The following ARHGAP26 variants were observed in gnomAD, a reference collection of about 807,000 sequenced individuals.
The protein encoded by ARHGAP26 is rho GTPase-activating protein 26.
A neutral mutation model predicts 104.8 loss-of-function variants in ARHGAP26; 38 were observed. That is an observed-to-expected ratio of 0.36 (90% confidence interval 0.28 to 0.48). The LOEUF is 0.48. Among genes scored for constraint, ARHGAP26 ranks in the 20% least tolerant of loss-of-function variants. The pLI is 0.99. For synonymous variants in ARHGAP26, 341 were observed against 340.0 expected, an observed-to-expected ratio of 1.00 and a Z score of -0.03; for missense variants, 704 against 947.9, an observed-to-expected ratio of 0.74 and a Z score of 3.38.
intron 21 of ARHGAP26, among the ~76,000 whole-genome samples, chr5:143,209,395 G>A (rs1367878557): frequency 6.6e-6 from 1 of 152,100 alleles, no homozygotes; most frequent in African/African-American, 2.4e-5. Flanking sequence ...GCCATCTTGT[G>A]TGTCTGGGGT....
At chr5:142,878,341 G>A (rs888316193) in intron 3 of ARHGAP26, among the ~76,000 whole-genome samples, 3 of 152,202 alleles carry the variant, frequency 2.0e-5, no homozygotes, top group South Asian at 2.1e-4. Flanking sequence ...TGCAGATGAC[G>A]AAATTAGAGC....
intron 12 of ARHGAP26, among the ~76,000 whole-genome samples, chr5:143,033,682 G>A (rs917949983): frequency 2.6e-5 from 4 of 152,144 alleles, no homozygotes; most frequent in Admixed American, 2.6e-4. Context: ...TCAATGCCTA[G>A]AATAAGACCA....
intron 1 of ARHGAP26, chr5:142,772,655 C>A (rs1429365156): frequency 8.4e-6 from 4 of 475,260 alleles, no homozygotes; most frequent in African/African-American, 4.0e-5. Context: ...CTGGGGGAAG[C>A]ATTACCTCTG....
At chr5:142,867,671 T>G (rs956829681) in intron 1 of ARHGAP26, among the ~76,000 whole-genome samples, 45 of 152,284 alleles carry the variant, frequency 3.0e-4, no homozygotes, top group African/African-American at 1.1e-3. Context: ...TTCTCCAGCT[T>G]CCTTGGTATA....
chr5:142,793,902 A>T (rs1266851275), intron 1 of ARHGAP26, among the ~76,000 whole-genome samples: 1 of 152,150 alleles, frequency 6.6e-6, no homozygotes, highest in Non-Finnish European at 1.5e-5. Context: ...GGTTTTAATA[A>T]GTTACATTTG....
intron 1 of ARHGAP26, among the ~76,000 whole-genome samples, chr5:142,852,810 A>G (rs931496188): frequency 1.3e-5 from 2 of 152,348 alleles, no homozygotes; most frequent in African/African-American, 4.8e-5. Flanking sequence ...TAAAAGACCA[A>G]CAAAACAGAG....
intron 1 of ARHGAP26, among the ~76,000 whole-genome samples, chr5:142,781,329 C>T (rs542864403): frequency 6.6e-6 from 1 of 151,742 alleles, no homozygotes; most frequent in Admixed American, 6.5e-5. Flanking sequence ...AGCTTTTGAA[C>T]CTGCATTCAG....
intron 17 of ARHGAP26, among the ~76,000 whole-genome samples, chr5:143,079,846 A>G (rs1432344495): frequency 6.6e-6 from 1 of 152,162 alleles, no homozygotes; most frequent in Non-Finnish European, 1.5e-5. Context: ...GGGAGAATCT[A>G]GAGATAGATG....
At chr5:142,875,208 A>C (rs751119809) in intron 3 of ARHGAP26, 37 bp downstream of exon 3, 1 of 1,600,406 alleles carries the variant, frequency 6.2e-7, no homozygotes, top group Non-Finnish European at 8.6e-7. Context: ...CCCAGATAGT[A>C]TATTCGTGTT....
intron 11 of ARHGAP26, among the ~76,000 whole-genome samples, chr5:142,997,107 A>T (rs925324718): frequency 1.3e-5 from 2 of 149,086 alleles, no homozygotes; most frequent in African/African-American, 4.9e-5. Flanking sequence ...AAAACTTTAT[A>T]TATATGCATT....
At position 142,778,279 on chromosome 5, in the gene ARHGAP26, A is replaced by G. The variant is rs564644139; in HGVS notation, c.154+7364A>G. Among the ~76,000 whole-genome samples the G allele has an allele frequency of 3.3e-5, 5 of 152,332 alleles. No homozygotes were observed. In the South Asian group the frequency reaches 1.0e-3, roughly 32 times the overall value. On this transcript the variant is annotated intron_variant, in intron 1 of 22. Transcript: ENST00000645722. ...ATTAACAATATGAATGAATGACCTA[A>G]TCTTATAATGCAAAGACAAAATATT... is the stretch of plus-strand genomic sequence containing the variant.
chr5:143,002,330 G>A (rs1047820474), intron 11 of ARHGAP26, among the ~76,000 whole-genome samples: 1 of 140,710 alleles, frequency 7.1e-6, no homozygotes, highest in Non-Finnish European at 1.5e-5. Flanking sequence ...AAAGAGCAAG[G>A]TTCTCTCTTC....
intron 12 of ARHGAP26, among the ~76,000 whole-genome samples, chr5:143,021,829 C>G (rs1780379219): frequency 6.6e-6 from 1 of 152,202 alleles, no homozygotes; most frequent in Non-Finnish European, 1.5e-5. Flanking sequence ...GAAAAGCCAG[C>G]TGGATTGGTA....
chr5:143,007,864 T>C (rs1388156196), intron 11 of ARHGAP26, among the ~76,000 whole-genome samples: 1 of 152,226 alleles, frequency 6.6e-6, no homozygotes, highest in Non-Finnish European at 1.5e-5. Flanking sequence ...GATTTAAACG[T>C]TGACCTTAGA....
chr5:142,836,605 A>C (rs1485565238), intron 1 of ARHGAP26, among the ~76,000 whole-genome samples: 1 of 152,192 alleles, frequency 6.6e-6, no homozygotes, highest in Non-Finnish European at 1.5e-5. Context: ...TTTTCACAGA[A>C]GTTGTCTCCG....
intron 17 of ARHGAP26, among the ~76,000 whole-genome samples, chr5:143,092,154 CTTTGTTTTTTTT>C (rs1598971551): frequency 2.9e-5 from 4 of 139,080 alleles, no homozygotes; most frequent in South Asian, 2.2e-4. Flanking sequence ...GCAAACATCC[CTTTGTTTTTTTT>C]TTTGTTTTTT....
At chr5:143,137,138 A>T (rs564544739) in intron 19 of ARHGAP26, among the ~76,000 whole-genome samples, 1 of 152,332 alleles carries the variant, frequency 6.6e-6, no homozygotes, top group African/African-American at 2.4e-5. Flanking sequence ...GTCTCACTGT[A>T]TTATTCTCTA....
chr5:142,885,179 G>C (rs1240640505), intron 4 of ARHGAP26, 119 bp from the exon 5 acceptor site: 1 of 783,258 alleles, frequency 1.3e-6, no homozygotes, highest in Non-Finnish European at 2.1e-6. Context: ...GGCATTACCT[G>C]AAAAGTAGGA....
At chr5:142,939,070 C>T (rs1231907915) in intron 11 of ARHGAP26, among the ~76,000 whole-genome samples, 1 of 152,144 alleles carries the variant, frequency 6.6e-6, no homozygotes, top group Non-Finnish European at 1.5e-5. Flanking sequence ...TCTTATGGCT[C>T]CATTCATAGC....
Sources: gnomAD v4.1 joint callset for allele counts (sites outside exome capture counted in the v4.1 genomes callset) on GRCh38, gnomAD v4.1.1 for gene constraint, MANE v1.5 for transcripts, NCBI Gene and HGNC (gene_info 2026-07-23, HGNC 2026-07-21) for gene names.